L3MBTL4: variants seen among roughly 807,000 people sequenced by gnomAD.
The protein encoded by L3MBTL4 is L3MBTL histone methyl-lysine binding protein 4, also known as lethal(3)malignant brain tumor-like protein 4.
Under a neutral mutation model 84.5 loss-of-function variants are expected in L3MBTL4, and 70 were observed. The ratio of observed to expected loss-of-function variants is 0.83; its 90% CI spans 0.68 to 1.01. The LOEUF is 1.01. Ranked by LOEUF, L3MBTL4 falls within the 50% of genes least tolerant of loss-of-function variation. The pLI is 0.00. For synonymous variants in L3MBTL4, 274 were observed against 259.8 expected (o/e 1.05, Z -0.52); for missense variants, 715 against 754.8 (o/e 0.95, Z 0.62).
chr18:6,378,583 C>T (rs910828426), intron 1 of L3MBTL4, among the ~76,000 whole-genome samples: 4 of 151,904 alleles, frequency 2.6e-5, no homozygotes, highest in South Asian at 2.1e-4. Context: ...GGAATCCTTT[C>T]CCCATTGCTT....
chr18:6,300,965 C>T (rs865944158), intron 4 of L3MBTL4, among the ~76,000 whole-genome samples: 9 of 151,998 alleles, frequency 5.9e-5, no homozygotes, highest in East Asian at 3.9e-4. Context: ...CCTGGGGAGG[C>T]GGCAAGAGAA....
chr18:6,076,675 TA>T (rs5822885), intron 16 of L3MBTL4, among the ~76,000 whole-genome samples: 82,437 of 151,570 alleles, frequency 0.54, 23,743 homozygotes, highest in African/African-American at 0.72. Context: ...TCTGCACTGG[TA>T]AAAAAAAATG....
chr18:6,408,303 C>T (rs2055819333), intron 1 of L3MBTL4, among the ~76,000 whole-genome samples: 1 of 152,158 alleles, frequency 6.6e-6, no homozygotes, highest in Non-Finnish European at 1.5e-5. Flanking sequence ...AGTCCACATT[C>T]ATGGTAAATA....
chr18:6,339,111 G>A (rs553114307), intron 1 of L3MBTL4, among the ~76,000 whole-genome samples: 6 of 152,138 alleles, frequency 3.9e-5, no homozygotes, highest in South Asian at 2.1e-4. Flanking sequence ...CCCTTCCGCC[G>A]ACCCAAACAT....
At chr18:6,077,585 G>A (rs2057901692) in intron 16 of L3MBTL4, among the ~76,000 whole-genome samples, 1 of 151,990 alleles carries the variant, frequency 6.6e-6, no homozygotes, top group African/African-American at 2.4e-5. Context: ...CAGTGAAAAT[G>A]GAAAACATGC....
intron 1 of L3MBTL4, among the ~76,000 whole-genome samples, chr18:6,359,752 C>G (rs968272215): frequency 1.3e-5 from 2 of 152,002 alleles, no homozygotes; most frequent in Admixed American, 1.3e-4. Context: ...CAGATCCTTA[C>G]GCAAAGGAGA....
chr18:6,241,400 T>G lies in L3MBTL4; in HGVS notation c.510A>C (p.Lys170Asn), dbSNP rs1376931931. 6.2e-7 allele frequency: 1 copy of G among 1,605,922 alleles called. No individual in the cohort carries two copies. Among genetic ancestry groups the G allele is most frequent in the Non-Finnish European group, 8.5e-7 (1 of 1,175,508 alleles). The change falls in exon 8 of 19, where the codon AAA (lysine) becomes AAC (asparagine). Residue 170 changes from lysine to asparagine, a missense_variant. By Grantham distance (94) the Lys-to-Asn change is moderately conservative (BLOSUM62 0). Transcript: ENST00000317931. ...FVWMDYLKAC[K>N]LQNAPKKLFR... The stretch of plus-strand genomic sequence containing the variant: ...ATAATTTCTTTGGAGCATTTTGCAA[T>G]TTGCAGGCCTTCAAGTAATCCATCC...
At chr18:6,015,895 G>A (rs1246988112) in intron 16 of L3MBTL4, among the ~76,000 whole-genome samples, 4 of 152,234 alleles carry the variant, frequency 2.6e-5, no homozygotes, top group Non-Finnish European at 5.9e-5. Context: ...GGGACGCGGA[G>A]GTTGCAGTGA....
chr18:6,358,273 C>T (rs760859956), intron 1 of L3MBTL4, among the ~76,000 whole-genome samples: 26 of 152,170 alleles, frequency 1.7e-4, no homozygotes, highest in Non-Finnish European at 3.1e-4. Flanking sequence ...GGAAGATGGA[C>T]GCAAATTAAT....
At chr18:6,029,668 T>C (rs767097098) in intron 16 of L3MBTL4, 1 of 985,208 alleles carries the variant, frequency 1.0e-6, no homozygotes, top group Admixed American at 6.1e-5. Flanking sequence ...TATTTGAGTA[T>C]GGGAACAGCT....
intron 5 of L3MBTL4, among the ~76,000 whole-genome samples, chr18:6,247,645 ATTTTT>A (rs58646046): frequency 2.3e-5 from 3 of 127,794 alleles, no homozygotes; most frequent in African/African-American, 8.9e-5. Context: ...TGCCCGGCTA[ATTTTT>A]TTTTTTTTTT....
At chr18:6,038,018 G>A (rs1398674197) in intron 16 of L3MBTL4, among the ~76,000 whole-genome samples, 9 of 152,122 alleles carry the variant, frequency 5.9e-5, no homozygotes, top group African/African-American at 1.9e-4. Flanking sequence ...CCACAGACAG[G>A]AGAATACGTA....
At chr18:6,364,635 G>C (rs993208063) in intron 1 of L3MBTL4, among the ~76,000 whole-genome samples, 1 of 152,004 alleles carries the variant, frequency 6.6e-6, no homozygotes, top group Non-Finnish European at 1.5e-5. Context: ...GATGAAATTA[G>C]ATTTCATCAT....
intron 14 of L3MBTL4, among the ~76,000 whole-genome samples, chr18:6,096,281 G>A (rs113110552): frequency 5.9e-5 from 9 of 152,176 alleles, no homozygotes; most frequent in African/African-American, 2.2e-4. Flanking sequence ...CAGTCTCTCT[G>A]GTCATTCAAT....
At chr18:6,198,594 G>A (rs1156839207) in intron 12 of L3MBTL4, among the ~76,000 whole-genome samples, 1 of 152,068 alleles carries the variant, frequency 6.6e-6, no homozygotes, top group Admixed American at 6.6e-5. Flanking sequence ...CAAGCCACCT[G>A]CTTTAAGCTT....
intron 17 of L3MBTL4, among the ~76,000 whole-genome samples, chr18:5,962,260 G>A (rs1158231545): frequency 6.6e-6 from 1 of 152,174 alleles, no homozygotes; most frequent in African/African-American, 2.4e-5. Flanking sequence ...CAGGAAGAAG[G>A]GGGTCTGTGA....
At chr18:6,120,680 G>A (rs914661000) in intron 14 of L3MBTL4, among the ~76,000 whole-genome samples, 2 of 152,126 alleles carry the variant, frequency 1.3e-5, no homozygotes, top group African/African-American at 4.8e-5. Flanking sequence ...ATCCTTAAGA[G>A]ACTCATGTTT....
At chr18:6,191,369 C>G (rs1478319665) in intron 12 of L3MBTL4, among the ~76,000 whole-genome samples, 1 of 152,098 alleles carries the variant, frequency 6.6e-6, no homozygotes, top group Non-Finnish European at 1.5e-5. Flanking sequence ...AGAATATTAG[C>G]TGTGATAGGA....
chr18:6,372,504 A>G (rs866473427), intron 1 of L3MBTL4, among the ~76,000 whole-genome samples: 4 of 152,200 alleles, frequency 2.6e-5, no homozygotes, highest in African/African-American at 7.2e-5. Context: ...ATTCTCTTCA[A>G]TATTAAATAG....
Sources: gnomAD v4.1 joint callset for allele counts (sites outside exome capture counted in the v4.1 genomes callset) on GRCh38, gnomAD v4.1.1 for gene constraint, MANE v1.5 for transcripts, NCBI Gene and HGNC (gene_info 2026-07-23, HGNC 2026-07-21) for gene names.